The following CACNG2 variants were observed in gnomAD, a reference collection of about 807,000 sequenced individuals.
CACNG2 encodes the protein calcium voltage-gated channel auxiliary subunit gamma 2, also known as voltage-dependent calcium channel gamma-2 subunit.
CACNG2 carries 3 observed loss-of-function variants against 25.9 expected under a neutral mutation model. The observed-to-expected ratio is 0.12, with a 90% CI of 0.05 to 0.30. The LOEUF (loss-of-function observed/expected upper bound fraction) is 0.30, where lower values mean the gene tolerates loss of function less well. CACNG2 is among the 10% of genes least tolerant of loss of function. The probability of loss-of-function intolerance (pLI) is 1.00; values close to 1 mark genes in which losing one functional copy is unlikely to be tolerated. For missense variants in CACNG2, 341 were observed against 432.5 expected, an observed-to-expected ratio of 0.79 and a Z score of 1.88; for synonymous variants, 167 against 173.3, an observed-to-expected ratio of 0.96 and a Z score of 0.29.
chr22:36,592,765 G>C (rs926434629), intron 1 of CACNG2, among the ~76,000 whole-genome samples: 2 of 152,166 alleles, frequency 1.3e-5, no homozygotes, highest in Non-Finnish European at 1.5e-5. Flanking sequence ...TTCCCTGTTA[G>C]AGTAAGGGTC....
rs1232656625 is a variant in CACNG2 at position 36,702,824 on chromosome 22, C to G, written c.-248G>C. On this transcript the variant is annotated 5_prime_UTR_variant, in exon 1 of 4. Transcript: ENST00000300105. ...TTGCCTTTTGAGATCAGAAACTGTTCCAGTTGCAGTGTTTTTTTTTTAAAA... is the reference window on the plus strand; with the variant it reads ...TTGCCTTTTGAGATCAGAAACTGTTGCAGTTGCAGTGTTTTTTTTTTAAAA... The G allele has an allele frequency of 1.6e-4, 57 of 361,362 alleles. 1 individual carries two copies. Among genetic ancestry groups the G allele is most frequent in the Non-Finnish European group, 1.5e-5 (3 of 205,606 alleles). 22.4% of individuals were successfully genotyped at this position (361,362 alleles called of 1,614,324 possible).
At chr22:36,651,361 TG>T (rs1260121068) in intron 1 of CACNG2, among the ~76,000 whole-genome samples, 3 of 151,206 alleles carry the variant, frequency 2.0e-5, no homozygotes, top group Non-Finnish European at 4.4e-5. Context: ...CCCAAGTAGC[TG>T]GGATTACAGA....
chr22:36,684,354 A>T (rs1416658910), intron 1 of CACNG2, among the ~76,000 whole-genome samples: 1 of 152,102 alleles, frequency 6.6e-6, no homozygotes, highest in Non-Finnish European at 1.5e-5. Context: ...AGTGGCTCAC[A>T]CCTGTAATCC....
chr22:36,639,067 G>GCCTGAGCTTGGC (rs1438974349), intron 1 of CACNG2, among the ~76,000 whole-genome samples: 1 of 152,140 alleles, frequency 6.6e-6, no homozygotes, highest in East Asian at 1.9e-4. Context: ...AAGGGCCAAG[G>GCCTGAGCTTGGC]CCTGAGCTTC....
intron 1 of CACNG2, among the ~76,000 whole-genome samples, chr22:36,694,147 C>A (rs114836597): frequency 1.4e-3 from 214 of 152,292 alleles, no homozygotes; most frequent in African/African-American, 4.9e-3. Flanking sequence ...TAGCACCCTG[C>A]CTACGTTTCT....
chr22:36,569,791 C>T (rs1353493207), intron 2 of CACNG2, among the ~76,000 whole-genome samples: 6 of 152,192 alleles, frequency 3.9e-5, no homozygotes, highest in Admixed American at 6.5e-5. Context: ...CCACCGGCCT[C>T]GGCCTTCCAA....
chr22:36,584,691 G>A (rs1281669081), intron 2 of CACNG2: 2 of 152,212 alleles, frequency 1.3e-5, no homozygotes, highest in African/African-American at 4.8e-5. Flanking sequence ...CTTATGGAAG[G>A]ACCTCCTCTG....
At chr22:36,567,996 T>G (rs2283969) in intron 2 of CACNG2, among the ~76,000 whole-genome samples, 33,263 of 151,914 alleles carry the variant, frequency 0.22, 3,800 homozygotes, top group Admixed American at 0.29. Context: ...ACTACAGGCG[T>G]GTACCACCAT....
chr22:36,583,708 T>C (rs1478933742), intron 2 of CACNG2, among the ~76,000 whole-genome samples: 1 of 152,196 alleles, frequency 6.6e-6, no homozygotes, highest in Non-Finnish European at 1.5e-5. Flanking sequence ...TCACCATGGC[T>C]ACACTCTGGT....
chr22:36,621,848 T>C (rs1031883177), intron 1 of CACNG2, among the ~76,000 whole-genome samples: 1 of 152,186 alleles, frequency 6.6e-6, no homozygotes, highest in Non-Finnish European at 1.5e-5. Flanking sequence ...TAGAGCGGCA[T>C]TAAAAAGACA....
chr22:36,585,620 G>C (rs1935489700), intron 2 of CACNG2, among the ~76,000 whole-genome samples: 1 of 152,114 alleles, frequency 6.6e-6, no homozygotes, highest in Non-Finnish European at 1.5e-5. Context: ...TGGGTAAATG[G>C]GACAGAGATT....
chr22:36,587,657 C>G, intron 1 of CACNG2, 109 bp from the exon 2 acceptor site: 1 of 801,576 alleles, frequency 1.2e-6, no homozygotes, highest in East Asian at 2.4e-5. Flanking sequence ...ACTCAGCCCT[C>G]TCCCTCACCC....
chr22:36,642,515 G>A (rs1464125205), intron 1 of CACNG2, among the ~76,000 whole-genome samples: 1 of 152,182 alleles, frequency 6.6e-6, no homozygotes, highest in Non-Finnish European at 1.5e-5. Flanking sequence ...TGAGTCAGAA[G>A]GGCATGTTTC....
At chr22:36,598,953 G>C (rs561656365) in intron 1 of CACNG2, among the ~76,000 whole-genome samples, 14 of 152,310 alleles carry the variant, frequency 9.2e-5, no homozygotes, top group African/African-American at 3.1e-4. Flanking sequence ...ACTCCAGCCT[G>C]GGTGACAGAG....
At chr22:36,566,802 G>A (rs559838652) in intron 2 of CACNG2, among the ~76,000 whole-genome samples, 10 of 152,258 alleles carry the variant, frequency 6.6e-5, no homozygotes, top group African/African-American at 1.9e-4. Context: ...GTTCTCTCTC[G>A]TCCCACCACA....
At chr22:36,649,721 T>C (rs1936578963) in intron 1 of CACNG2, among the ~76,000 whole-genome samples, 1 of 152,210 alleles carries the variant, frequency 6.6e-6, no homozygotes, top group South Asian at 2.1e-4. Flanking sequence ...GGGTGGGTTT[T>C]TCCCATGCTG....
chr22:36,670,176 G>A (rs73415686), intron 1 of CACNG2, among the ~76,000 whole-genome samples: 13,633 of 152,162 alleles, frequency 0.09, 1,172 homozygotes, highest in African/African-American at 0.22. Context: ...CAGATACTGT[G>A]AGCAGCGTTG....
chr22:36,676,144 T>G (rs1380750345), intron 1 of CACNG2, among the ~76,000 whole-genome samples: 1 of 152,202 alleles, frequency 6.6e-6, no homozygotes, highest in East Asian at 1.9e-4. Flanking sequence ...AGGGCCAGCC[T>G]CCCAAATATC....
At chr22:36,671,192 C>T (rs1024485998) in intron 1 of CACNG2, among the ~76,000 whole-genome samples, 6 of 152,218 alleles carry the variant, frequency 3.9e-5, no homozygotes, top group African/African-American at 1.4e-4. Flanking sequence ...GCTGGGATTA[C>T]AGGCGTGAGC....
Sources: gnomAD v4.1 joint callset for allele counts (sites outside exome capture counted in the v4.1 genomes callset) on GRCh38, gnomAD v4.1.1 for gene constraint, MANE v1.5 for transcripts, NCBI Gene and HGNC (gene_info 2026-07-23, HGNC 2026-07-21) for gene names.